The following SORBS3 variants were observed in gnomAD, a reference collection of about 807,000 sequenced individuals.
SORBS3 encodes the protein sorbin and SH3 domain containing 3, also known as vinexin.
A neutral mutation model predicts 98.0 loss-of-function variants in SORBS3; 69 were observed. That is an observed-to-expected ratio of 0.70 (90% CI 0.58 to 0.86). The LOEUF is 0.86. Ranked by LOEUF, SORBS3 falls within the 40% of genes least tolerant of loss-of-function variation. The probability of loss-of-function intolerance (pLI) is 0.00; values close to 1 mark genes in which losing one functional copy is unlikely to be tolerated. For synonymous variants in SORBS3, 394 were observed against 355.4 expected, an observed-to-expected ratio of 1.11 and a Z score of -1.22; for missense variants, 954 against 908.5, an observed-to-expected ratio of 1.05 and a Z score of -0.64.
In SORBS3 at chr8:22,561,791, C is replaced by T. The variant is rs545046974; in HGVS notation, c.518-74C>T. On this transcript the variant is annotated intron_variant, in intron 6 of 20. Transcript: ENST00000240123. ...TGGTGCTGAAACTCTAAATAATCAC[C>T]CAGGCACCCTCAGCCCCAGTCACGG... is the stretch of plus-strand genomic sequence containing the variant. 295 of 1,338,332 alleles carry T rather than the reference C, an allele frequency of 2.2e-4. No individual in the cohort carries two copies. In the Admixed American group the frequency reaches 3.8e-3, roughly 17 times the overall value. The allele number at this position is 1,338,332 out of a possible 1,614,324, so 82.9% of individuals were successfully genotyped here.
rs1840151597 is a variant in SORBS3 at position 22,554,686 on chromosome 8, G to A, written c.102+78G>A. 3.4e-6 allele frequency: 5 copies of A among 1,475,878 alleles called. No homozygotes were observed. Among genetic ancestry groups the A allele is most frequent in the Admixed American group, 4.1e-5 (2 of 49,332 alleles). 91.4% of individuals were successfully genotyped at this position (1,475,878 alleles called of 1,614,324 possible). A position where few individuals can be genotyped will look rare whatever the true frequency, so the allele number is the denominator to read the frequency against. On this transcript the variant is annotated intron_variant, in intron 2 of 20. Transcript: ENST00000240123. This position sits in a 1 kb window ranked among gnomAD's most constrained non-coding sequence, Gnocchi z 6.5. Reference sequence around the variant, plus strand: ...ACGCTAGCAGGTCAGGTGGGGGCAGGAGGATGAAAGGGATGGAGGGAGGGC... The same window carrying A: ...ACGCTAGCAGGTCAGGTGGGGGCAGAAGGATGAAAGGGATGGAGGGAGGGC...
chr8:22,565,660 C>G, intron 11 of SORBS3, 166 bp from the exon 12 acceptor site: 1 of 1,205,472 alleles, frequency 8.3e-7, no homozygotes, highest in Non-Finnish European at 1.0e-6. Context: ...GCCCCTTCCC[C>G]TAGTTCCCGC....
chr8:22,546,928 G>A (rs554924620), upstream of SORBS3, among the ~76,000 whole-genome samples: 70 of 152,216 alleles, frequency 4.6e-4, no homozygotes, highest in Non-Finnish European at 9.1e-4. Flanking sequence ...AGGAAAGTGT[G>A]TCAGTGAGGG....
Position 22,554,807 on chromosome 8 carries a change from TCCCTCCCTCCC to T in SORBS3, c.103-55_103-45del. ...GGGTGTGGGCTGTGCCTAGTAGCCATCCCTCCCTCCCGCCCTGCTGGGCCCTGAGCTGCCGC... is the reference window on the plus strand; with the variant it reads ...GGGTGTGGGCTGTGCCTAGTAGCCATGCCCTGCTGGGCCCTGAGCTGCCGC... On this transcript the variant is annotated intron_variant, in intron 2 of 20. Coordinates refer to ENST00000240123, the MANE Select transcript of SORBS3 (RefSeq NM_005775.5). This position sits in a 1 kb window ranked among gnomAD's most constrained non-coding sequence, Gnocchi z 6.5. 1 of 1,428,608 alleles carries T rather than the reference TCCCTCCCTCCC, an allele frequency of 7.0e-7. No individual in the cohort carries two copies. Among genetic ancestry groups the T allele is most frequent in the Non-Finnish European group, 9.8e-7 (1 of 1,020,752 alleles). 88.5% of individuals were successfully genotyped at this position (1,428,608 alleles called of 1,614,324 possible).
At chr8:22,553,431 A>G (rs1840124320) in intron 1 of SORBS3, among the ~76,000 whole-genome samples, 2 of 152,132 alleles carry the variant, frequency 1.3e-5, no homozygotes, top group African/African-American at 4.8e-5. Flanking sequence ...GGAGGGATGG[A>G]CGCCGTAGCA....
At chr8:22,572,293 A>T in intron 19 of SORBS3, 47 bp from the exon 20 acceptor site, 1 of 1,511,566 alleles carries the variant, frequency 6.6e-7, no homozygotes, top group Non-Finnish European at 9.2e-7. Context: ...CACTTGGGTT[A>T]GAGCCTCTGG....
intron 20 of SORBS3, among the ~76,000 whole-genome samples, chr8:22,572,991 G>A (rs1184825392): frequency 1.3e-5 from 2 of 152,232 alleles, no homozygotes; most frequent in Admixed American, 6.5e-5. Flanking sequence ...TCCCCAGAGT[G>A]GGCGGGCCCT....
chr8:22,561,838 T>A, intron 6 of SORBS3, 27 bp from the exon 7 acceptor site: 1 of 1,608,736 alleles, frequency 6.2e-7, no homozygotes, highest in Non-Finnish European at 8.5e-7. Context: ...CCACCTTCAA[T>A]GCTTTCCTCG....
upstream of SORBS3, among the ~76,000 whole-genome samples, chr8:22,548,893 CAG>C (rs1840043975): frequency 6.6e-6 from 1 of 152,198 alleles, no homozygotes; most frequent in African/African-American, 2.4e-5. Flanking sequence ...GATTGCTTTT[CAG>C]AGTGACCCGC....
rs915650074 is a variant in SORBS3, at chr8:22,554,199, C to G, written c.-55-253C>G. On this transcript the variant is annotated intron_variant, in intron 1 of 20. Transcript: ENST00000240123. This position sits in a 1 kb window ranked among gnomAD's most constrained non-coding sequence, Gnocchi z 6.5. The stretch of plus-strand genomic sequence containing the variant: ...CCCCTCCTCCTCACCCAAGCTCCCC[C>G]TCCCCCACTCCCACCCGGAGCTCCT... 85 of 262,862 alleles carry G rather than the reference C, an allele frequency of 3.2e-4. No individual in the cohort carries two copies. The highest frequency in any genetic ancestry group is 2.7e-3 in the Admixed American group (54 of 19,690). The allele number at this position is 262,862 out of a possible 1,614,324, so 16.3% of individuals were successfully genotyped here.
In SORBS3 at chr8:22,567,143, C is replaced by T. The variant is rs552933143; in HGVS notation, c.1273C>T (p.Arg425Cys). 37 of 1,613,268 alleles carry T rather than the reference C, an allele frequency of 2.3e-5. No homozygotes were observed. The highest frequency in any genetic ancestry group is 6.7e-5 in the African/African-American group (5 of 75,020). Residue 425 changes from arginine to cysteine, a missense_variant, in exon 16 of 21, where the codon CGC becomes TGC. Arg to Cys is a radical substitution (Grantham distance 180). Coordinates refer to ENST00000240123, the MANE Select transcript of SORBS3 (RefSeq NM_005775.5). ...KNWLEGEHHG[R>C]LGIFPANYVE... Reference sequence around the variant, plus strand: ...CTGGCTGGAGGGAGAGCACCACGGCCGCCTGGGCATCTTCCCTGCTAATTA... The same window carrying T: ...CTGGCTGGAGGGAGAGCACCACGGCTGCCTGGGCATCTTCCCTGCTAATTA...
Position 22,566,681 on chromosome 8 carries a change from G to A in SORBS3, c.1111G>A (p.Gly371Arg), listed in dbSNP as rs1298619366. ...CACAGACCCTAGTGCCTCTAACGGAGGGGGCAGCCCAGCCAGGAGGGAAGA... is the reference window on the plus strand; with the variant it reads ...CACAGACCCTAGTGCCTCTAACGGAAGGGGCAGCCCAGCCAGGAGGGAAGA... The part of the protein sequence containing the change: ...STRDPSASNG[G>R]GSPARREEKK... The change falls in exon 14 of 21, where the codon GGG (glycine) becomes AGG (arginine). Residue 371 changes from glycine (G) to arginine (R), a missense_variant. Gly to Arg is a moderately radical substitution (Grantham distance 125, BLOSUM62 -2). Transcript: ENST00000240123. 3 of 1,609,222 alleles carry A rather than the reference G, an allele frequency of 1.9e-6. No homozygotes were observed. The highest frequency in any genetic ancestry group is 2.5e-6 in the Non-Finnish European group (3 of 1,178,602).
chr8:22,565,735 T>A, intron 11 of SORBS3, 91 bp from the exon 12 acceptor site: 1 of 1,263,224 alleles, frequency 7.9e-7, no homozygotes, highest in Non-Finnish European at 1.0e-6. Context: ...TCTCCTCCCC[T>A]CCCGAGCCGC....
Position 22,569,146 on chromosome 8 carries a change from A to G in SORBS3, c.1306-2A>G, listed in dbSNP as rs747075466. ...TCTTTCTCATGACCTTTCTTCATGC[A>G]GGTGCTGCCCGCAGATGAGATCCCT... On this transcript the variant is annotated splice_acceptor_variant, in intron 16 of 20. Transcript: ENST00000240123. LOFTEE classifies it high-confidence loss of function. 6.2e-7 allele frequency: 1 copy of G among 1,601,974 alleles called. No individual in the cohort carries two copies. The highest frequency in any genetic ancestry group is 8.5e-7 in the Non-Finnish European group (1 of 1,174,208).
Position 22,575,056 on chromosome 8 carries a change from T to G in SORBS3, c.*328T>G. 8.1e-6 allele frequency: 4 copies of G among 493,862 alleles called. No individual in the cohort carries two copies. Among genetic ancestry groups the G allele is most frequent in the Non-Finnish European group, 1.6e-5 (4 of 255,832 alleles). 30.6% of individuals were successfully genotyped at this position (493,862 alleles called of 1,614,324 possible). On this transcript the variant is annotated 3_prime_UTR_variant, in exon 21 of 21. Coordinates refer to ENST00000240123, the MANE Select transcript of SORBS3 (RefSeq NM_005775.5). ...CCCCACCCCCATCCTGCTCCAGCGT[T>G]TCCTCTAACAGGGACCAGCTCTCCG... is the stretch of plus-strand genomic sequence containing the variant.
intron 7 of SORBS3, 123 bp downstream of exon 7, chr8:22,562,054 C>A: frequency 1.2e-6 from 1 of 841,716 alleles, no homozygotes; most frequent in East Asian, 2.6e-5. Flanking sequence ...AGTGGGGTCT[C>A]ACTTCCGTGT....
Position 22,571,171 on chromosome 8 carries a change from C to G in SORBS3, c.1693C>G (p.Arg565Gly), listed in dbSNP as rs201189778. ...CGACTTGGGGGGACAGACCTCCCCC[C>G]GTCGCACTGGCTTCTCCTTCCCCAC... is the stretch of plus-strand genomic sequence containing the variant. The part of the protein sequence containing the change: ...PIDLGGQTSP[R>G]RTGFSFPTQE... Residue 565 changes from arginine to glycine, a missense_variant, in exon 18 of 21, where the codon CGT becomes GGT. Arg to Gly is a moderately radical substitution (Grantham distance 125, BLOSUM62 -2). Coordinates refer to ENST00000240123, the MANE Select transcript of SORBS3 (RefSeq NM_005775.5). The G allele has an allele frequency of 7.6e-5, 120 of 1,581,714 alleles. No homozygotes were observed. The highest frequency in any genetic ancestry group is 1.3e-5 in the African/African-American group (1 of 74,508).
At chr8:22,555,885 A>C (rs1001598066) in intron 3 of SORBS3, among the ~76,000 whole-genome samples, 1 of 152,196 alleles carries the variant, frequency 6.6e-6, no homozygotes, top group Admixed American at 6.5e-5. Flanking sequence ...ACCAAAAAAA[A>C]CACCCACACA....
At chr8:22,566,640 T>TGTG in intron 13 of SORBS3, 21 bp from the exon 14 acceptor site, 1 of 1,594,120 alleles carries the variant, frequency 6.3e-7, no homozygotes, top group Non-Finnish European at 8.5e-7. Flanking sequence ...CTCCCCAAGC[T>TGTG]GAGGTTGTGC....
Sources: gnomAD v4.1 joint callset for allele counts (sites outside exome capture counted in the v4.1 genomes callset) on GRCh38, gnomAD v4.1.1 for gene constraint, Gnocchi (gnomAD v3.1) non-coding constraint, MANE v1.5 for transcripts, NCBI Gene and HGNC (gene_info 2026-07-23, HGNC 2026-07-21) for gene names.